Variants in TRIM75 observed in about 807,000 individuals in gnomAD.
The protein encoded by TRIM75 is tripartite motif containing 75.
chr4:165,054,503 G>A, the TRIM75 span, among the ~76,000 whole-genome samples: 1 of 151,962 alleles, frequency 6.6e-6, no homozygotes, highest in Non-Finnish European at 1.5e-5. Context: ...TTCTGACCTC[G>A]TGATCCACCC....
chr4:165,057,269 G>C, the TRIM75 span, among the ~76,000 whole-genome samples: 1 of 151,934 alleles, frequency 6.6e-6, no homozygotes, highest in African/African-American at 2.4e-5. Context: ...TCGCATTTTG[G>C]GAGGGTGAGA....
At chr4:165,055,089 C>A in the TRIM75 span, among the ~76,000 whole-genome samples, 1 of 151,934 alleles carries the variant, frequency 6.6e-6, no homozygotes, top group East Asian at 1.9e-4. Flanking sequence ...GTAGCTCCCC[C>A]AAGGCCACAC....
At chr4:165,060,119 G>T in the TRIM75 span, 1 of 780,884 alleles carries the variant, frequency 1.3e-6, no homozygotes, top group African/African-American at 1.7e-5. Flanking sequence ...GAAAACAAAA[G>T]GTTCCTGGTT....
At chr4:165,059,888 A>C in the TRIM75 span, 1 of 779,484 alleles carries the variant, frequency 1.3e-6, no homozygotes, top group East Asian at 2.4e-5. Flanking sequence ...CTGAACTGGA[A>C]TTGCTGTCAC....
the TRIM75 span, chr4:165,059,235 G>T: frequency 1.3e-6 from 1 of 780,250 alleles, no homozygotes; most frequent in Non-Finnish European, 2.4e-6. Context: ...CGTCACCATC[G>T]AATGTGGGCA....
the TRIM75 span, chr4:165,059,539 G>C: frequency 5.0e-5 from 39 of 780,782 alleles, no homozygotes; most frequent in Non-Finnish European, 7.7e-5. Flanking sequence ...CACCATGTGA[G>C]GCCCATAGAG....
the TRIM75 span, among the ~76,000 whole-genome samples, chr4:165,056,775 C>T: frequency 5.9e-5 from 9 of 152,038 alleles, no homozygotes; most frequent in South Asian, 2.1e-4. Flanking sequence ...CCACCATGCC[C>T]GGCTAATTTT....
chr4:165,054,827 G>T, the TRIM75 span, among the ~76,000 whole-genome samples: 2 of 152,172 alleles, frequency 1.3e-5, no homozygotes, highest in African/African-American at 4.8e-5. Flanking sequence ...GTCCTAAGGA[G>T]TCAGAAAATG....
the TRIM75 span, chr4:165,060,352 C>A: frequency 1.2e-5 from 9 of 780,900 alleles, no homozygotes; most frequent in East Asian, 1.2e-4. Flanking sequence ...GCTTTTCCAA[C>A]CCCTCTGTTG....
At chr4:165,059,825 C>T in the TRIM75 span, 1 of 780,904 alleles carries the variant, frequency 1.3e-6, no homozygotes, top group South Asian at 1.3e-5. Flanking sequence ...TTTCAAACTA[C>T]AGTGCCACAC....
the TRIM75 span, among the ~76,000 whole-genome samples, chr4:165,055,445 G>C: frequency 0.12 from 17,859 of 151,788 alleles, 1,412 homozygotes; most frequent in African/African-American, 0.23. Context: ...CCACCATGCC[G>C]GGCTAGTTTT....
the TRIM75 span, among the ~76,000 whole-genome samples, chr4:165,058,367 T>C: frequency 1.3e-5 from 2 of 152,094 alleles, no homozygotes; most frequent in African/African-American, 4.8e-5. Flanking sequence ...TTTTTATTTT[T>C]ATTTTTTGTA....
chr4:165,059,612 G>C, the TRIM75 span: 2 of 780,810 alleles, frequency 2.6e-6, no homozygotes, highest in Non-Finnish European at 4.8e-6. Context: ...AAAAGCAATT[G>C]GCAGACCTCC....
chr4:165,054,949 G>T, the TRIM75 span, among the ~76,000 whole-genome samples: 8 of 152,112 alleles, frequency 5.3e-5, no homozygotes, highest in South Asian at 1.7e-3. Context: ...AGAGTTGGGG[G>T]TGGGGTGGAG....
chr4:165,055,174 T>G, the TRIM75 span, among the ~76,000 whole-genome samples: 1 of 152,060 alleles, frequency 6.6e-6, no homozygotes, highest in Non-Finnish European at 1.5e-5. Context: ...GGGGTCTCAC[T>G]CTGCCCAGAT....
At chr4:165,059,716 T>C in the TRIM75 span, 1 of 780,930 alleles carries the variant, frequency 1.3e-6, no homozygotes, top group Admixed American at 1.7e-5. Flanking sequence ...TTTGAGCACC[T>C]CAACCAGTTT....
the TRIM75 span, among the ~76,000 whole-genome samples, chr4:165,054,600 G>GT: frequency 6.6e-6 from 1 of 151,792 alleles, no homozygotes; most frequent in South Asian, 2.1e-4. Context: ...TAGTCTCACC[G>GT]TGTTGGCCAG....
the TRIM75 span, among the ~76,000 whole-genome samples, chr4:165,058,687 G>T: frequency 6.6e-6 from 1 of 152,200 alleles, no homozygotes; most frequent in African/African-American, 2.4e-5. Flanking sequence ...GGGACTAGGG[G>T]AGGATAATTT....
the TRIM75 span, chr4:165,059,494 G>A: frequency 1.3e-6 from 1 of 780,928 alleles, no homozygotes; most frequent in Non-Finnish European, 2.4e-6. Flanking sequence ...ATGGTGTTGT[G>A]TCCGCTGTGC....
Sources: allele counts gnomAD v4.1 joint callset (sites outside exome capture counted in the v4.1 genomes callset), GRCh38; gene constraint gnomAD v4.1.1; transcripts MANE v1.5; gene names NCBI Gene and HGNC (gene_info 2026-07-23, HGNC 2026-07-21).